Variants in CNTNAP2 observed in about 807,000 individuals in gnomAD.
CNTNAP2 encodes contactin-associated protein-like 2.
In CNTNAP2, 98 loss-of-function variants were observed where a neutral mutation model predicts 155.2. That is an observed-to-expected ratio of 0.63 (90% CI 0.54 to 0.75). The LOEUF is 0.75. Among genes scored for constraint, CNTNAP2 ranks in the 30% least tolerant of loss-of-function variants. CNTNAP2 has a pLI of 0.00. For missense variants in CNTNAP2, 1,727 were observed against 1,688.1 expected (o/e 1.02, Z -0.40); for synonymous variants, 651 against 631.2 (o/e 1.03, Z -0.47).
intron 8 of CNTNAP2, among the ~76,000 whole-genome samples, chr7:147,287,819 G>C (rs1000974080): frequency 3.3e-5 from 5 of 151,794 alleles, no homozygotes; most frequent in African/African-American, 9.7e-5. Context: ...TCAAACTTTC[G>C]ACAGCCAGTC....
chr7:147,011,154 C>T (rs1396940707), intron 3 of CNTNAP2, among the ~76,000 whole-genome samples: 1 of 152,012 alleles, frequency 6.6e-6, no homozygotes, highest in Non-Finnish European at 1.5e-5. Flanking sequence ...TGGCTTACAC[C>T]TGTACTCCCT....
intron 12 of CNTNAP2, among the ~76,000 whole-genome samples, chr7:147,629,959 A>C (rs759559118): frequency 6.6e-6 from 1 of 152,128 alleles, no homozygotes; most frequent in East Asian, 1.9e-4. Flanking sequence ...CAGCAGAAAA[A>C]AAGAAATAAC....
intron 13 of CNTNAP2, among the ~76,000 whole-genome samples, chr7:147,724,938 G>GT (rs1378410149): frequency 2.0e-5 from 3 of 152,104 alleles, no homozygotes; most frequent in African/African-American, 7.2e-5. Context: ...TAAGTTGCTT[G>GT]TTTCACAAGC....
intron 10 of CNTNAP2, among the ~76,000 whole-genome samples, chr7:147,435,962 T>C (rs1563203258): frequency 1.3e-5 from 2 of 152,218 alleles, no homozygotes; most frequent in Non-Finnish European, 2.9e-5. Context: ...TTTTCATTTC[T>C]TTTATTTTTT....
chr7:147,601,662 T>A (rs1292784720), intron 12 of CNTNAP2, among the ~76,000 whole-genome samples: 2 of 144,434 alleles, frequency 1.4e-5, no homozygotes, highest in East Asian at 2.0e-4. Flanking sequence ...TATATATATA[T>A]ATATATATAT....
chr7:147,979,898 C>T (rs146761203), intron 15 of CNTNAP2, among the ~76,000 whole-genome samples: 2 of 152,198 alleles, frequency 1.3e-5, no homozygotes, highest in Non-Finnish European at 2.9e-5. Flanking sequence ...GCTGGGATTA[C>T]AGGTGTGAGC....
At chr7:147,502,233 C>T (rs1320548790) in intron 11 of CNTNAP2, among the ~76,000 whole-genome samples, 1 of 151,982 alleles carries the variant, frequency 6.6e-6, no homozygotes. Context: ...TCCTAAAATT[C>T]ATGTGGAATC....
At chr7:147,730,396 C>A (rs1796718290) in intron 13 of CNTNAP2, among the ~76,000 whole-genome samples, 1 of 152,038 alleles carries the variant, frequency 6.6e-6, no homozygotes, top group Non-Finnish European at 1.5e-5. Context: ...CTCAGTGTCA[C>A]ATTTTGATAA....
At chr7:147,318,004 G>A (rs572385940) in intron 9 of CNTNAP2, among the ~76,000 whole-genome samples, 11 of 152,122 alleles carry the variant, frequency 7.2e-5, no homozygotes, top group Admixed American at 2.0e-4. Flanking sequence ...CTGATTCGAA[G>A]AATGAATAAT....
intron 13 of CNTNAP2, among the ~76,000 whole-genome samples, chr7:147,833,295 T>C (rs914668383): frequency 6.6e-6 from 1 of 152,172 alleles, no homozygotes; most frequent in African/African-American, 2.4e-5. Flanking sequence ...GATCCCAGGC[T>C]TGGTTCCATA....
chr7:147,426,197 A>T lies in CNTNAP2; in HGVS notation c.1670+30417A>T, dbSNP rs568187761. 2.0e-3 allele frequency among the ~76,000 whole-genome samples: 308 copies of T among 150,380 alleles called. 1 individual carries two copies. Among genetic ancestry groups the T allele is most frequent in the Non-Finnish European group, 1.6e-3 (108 of 67,680 alleles). ...GCCAAATGTGCTTTTTTATTTTTTT[A>T]AATAAAAAAGAGCCTAAATAGAAAT... On this transcript the variant is annotated intron_variant, in intron 10 of 23. Transcript: ENST00000361727.
At chr7:148,413,401 A>AAAAAAAAAAAAAAATAT (rs1442990213) in intron 23 of CNTNAP2, among the ~76,000 whole-genome samples, 5 of 45,368 alleles carry the variant, frequency 1.1e-4, no homozygotes, top group Non-Finnish European at 2.1e-4. Context: ...TCAAAAAAAA[A>AAAAAAAAAAAAAAATAT]ATATATATAT....
chr7:147,911,647 T>C (rs1800069067), intron 14 of CNTNAP2, among the ~76,000 whole-genome samples: 1 of 152,228 alleles, frequency 6.6e-6, no homozygotes, highest in African/African-American at 2.4e-5. Context: ...CATCGTTCTA[T>C]TTTCTGTCTC....
chr7:147,400,127 G>A (rs538901611), intron 10 of CNTNAP2, among the ~76,000 whole-genome samples: 44 of 152,222 alleles, frequency 2.9e-4, no homozygotes, highest in African/African-American at 1.1e-3. Flanking sequence ...CTTTCCAGGT[G>A]TGAAAACCTG....
rs191206330 is a variant in CNTNAP2 at position 146,328,596 on chromosome 7, A to G, written c.97+211623A>G. Among the ~76,000 whole-genome samples, 488 of 152,182 alleles carry G rather than the reference A, an allele frequency of 3.2e-3. 3 individuals carry two copies. Among genetic ancestry groups the G allele is most frequent in the African/African-American group, 0.011 (474 of 41,520 alleles). On this transcript the variant is annotated intron_variant, in intron 1 of 23. Coordinates refer to ENST00000361727, the MANE Select transcript of CNTNAP2 (RefSeq NM_014141.6). ...TCACAGCAAATTTGAAGTATACAATATATCATTAACTAGTCACTACATTGT... is the reference window on the plus strand; with the variant it reads ...TCACAGCAAATTTGAAGTATACAATGTATCATTAACTAGTCACTACATTGT...
intron 13 of CNTNAP2, among the ~76,000 whole-genome samples, chr7:147,642,613 CTAA>C (rs1387231350): frequency 1.3e-5 from 2 of 151,984 alleles, no homozygotes; most frequent in African/African-American, 4.8e-5. Flanking sequence ...GTTGCATTTC[CTAA>C]TAATGAGATG....
intron 1 of CNTNAP2, among the ~76,000 whole-genome samples, chr7:146,711,017 C>G (rs1314652593): frequency 6.6e-6 from 1 of 151,728 alleles, no homozygotes; most frequent in African/African-American, 2.4e-5. Context: ...CCTGGAACCT[C>G]CTTGCTCAAC....
At chr7:146,310,104 T>TA (rs1342381833) in intron 1 of CNTNAP2, among the ~76,000 whole-genome samples, 1 of 152,210 alleles carries the variant, frequency 6.6e-6, no homozygotes, top group African/African-American at 2.4e-5. Context: ...TTGGTATTTT[T>TA]AATGCTAAAA....
chr7:146,509,740 G>A (rs1797438933), intron 1 of CNTNAP2, among the ~76,000 whole-genome samples: 1 of 152,078 alleles, frequency 6.6e-6, no homozygotes, highest in Non-Finnish European at 1.5e-5. Flanking sequence ...TGTGCCTGGA[G>A]GTCCCTTACC....
Sources: allele counts gnomAD v4.1 joint callset (sites outside exome capture counted in the v4.1 genomes callset), GRCh38; gene constraint gnomAD v4.1.1; transcripts MANE v1.5; gene names NCBI Gene and HGNC (gene_info 2026-07-23, HGNC 2026-07-21).